MAPKBP1: variants seen among roughly 807,000 people sequenced by gnomAD.
The protein encoded by MAPKBP1 is mitogen-activated protein kinase binding protein 1.
MAPKBP1 carries 71 observed loss-of-function variants against 170.5 expected under a neutral mutation model. That is an observed-to-expected ratio of 0.42 (90% confidence interval 0.34 to 0.51). MAPKBP1 has a LOEUF of 0.51. MAPKBP1 is among the 20% of genes least tolerant of loss of function. The probability of loss-of-function intolerance (pLI) is 0.06; values close to 1 mark genes in which losing one functional copy is unlikely to be tolerated. For synonymous variants in MAPKBP1, 719 were observed against 757.9 expected (o/e 0.95, Z 0.84); for missense variants, 1,598 against 1,933.0 (o/e 0.83, Z 3.25).
intron 5 of MAPKBP1, chr15:41,811,580 C>A: frequency 1.6e-6 from 1 of 615,094 alleles, no homozygotes; most frequent in East Asian, 3.5e-5. Context: ...TTCCTTACCC[C>A]CGGGGGCCCC....
At chr15:41,821,818 A>G in intron 24 of MAPKBP1, 68 bp downstream of exon 24, 1 of 1,548,780 alleles carries the variant, frequency 6.5e-7, no homozygotes, top group East Asian at 2.4e-5. Context: ...TCTTTAGTCG[A>G]GGGAGGGTTG....
At chr15:41,815,456 C>T in intron 11 of MAPKBP1, 51 bp downstream of exon 11, 1 of 1,604,686 alleles carries the variant, frequency 6.2e-7, no homozygotes. Context: ...CCCCCATCCC[C>T]ACAGCTATTG....
At position 41,819,136 on chromosome 15, in the gene MAPKBP1, T is replaced by C. The variant is rs576690160; in HGVS notation, c.2292-110T>C. 859 of 1,446,424 alleles carry C rather than the reference T, an allele frequency of 5.9e-4. 5 individuals are homozygous for C. The South Asian group carries it at 8.8e-3, about 15-fold the overall frequency. 89.6% of individuals were successfully genotyped at this position (1,446,424 alleles called of 1,614,324 possible). ...CCCTGTTGAGTCTCCTCTCCCCCTA[T>C]TGAGTCTCATCTTCCCCTCATTGAG... On this transcript the variant is annotated intron_variant, in intron 20 of 30. Coordinates refer to ENST00000457542, the MANE Select transcript of MAPKBP1 (RefSeq NM_014994.3).
intron 2 of MAPKBP1, among the ~76,000 whole-genome samples, chr15:41,791,650 G>A (rs2152071455): frequency 6.6e-6 from 1 of 152,274 alleles, no homozygotes; most frequent in East Asian, 1.9e-4. Context: ...CTTATGCTGT[G>A]CCACCTCTGT....
rs1479144801 is a variant in MAPKBP1 at position 41,827,418 on chromosome 15, G to A, written c.*1982G>A. ...CTCCTCTAGCATCGCCACCCGCATGGCCCTGGAACTCCCGCGGCGGCGGGG... is the reference window on the plus strand; with the variant it reads ...CTCCTCTAGCATCGCCACCCGCATGACCCTGGAACTCCCGCGGCGGCGGGG... On this transcript the variant is annotated 3_prime_UTR_variant, in exon 31 of 31. Transcript: ENST00000457542. 7 of 152,424 alleles carry A rather than the reference G, an allele frequency of 4.6e-5. No homozygotes were observed. The highest frequency in any genetic ancestry group is 8.8e-5 in the Non-Finnish European group (6 of 68,202). 9.4% of individuals were successfully genotyped at this position (152,424 alleles called of 1,614,324 possible).
chr15:41,812,946 C>A lies in MAPKBP1; in HGVS notation c.664C>A (p.Arg222Ser). The change falls in exon 8 of 31, where the codon CGC (arginine) becomes AGC (serine). Residue 222 changes from arginine to serine, a missense_variant. By Grantham distance (110) the Arg-to-Ser change is moderately radical (BLOSUM62 -1). Around this residue, in one of 6 missense-constraint regions of MAPKBP1, gnomAD observed 430 missense variants for 617.2 expected, o/e 0.70. Coordinates refer to ENST00000457542, the MANE Select transcript of MAPKBP1 (RefSeq NM_014994.3). ...KVNATVPLLG[R>S]SGLLGELRNN... Reference sequence around the variant, plus strand: ...GAATGCCACTGTGCCCTTGCTGGGCCGCTCAGGGCTGCTGGGAGAGCTACG... The same window carrying A: ...GAATGCCACTGTGCCCTTGCTGGGCAGCTCAGGGCTGCTGGGAGAGCTACG... The A allele has an allele frequency of 6.2e-7, 1 of 1,607,642 alleles. No homozygotes were observed. The highest frequency in any genetic ancestry group is 1.1e-5 in the South Asian group (1 of 90,006).
rs530146868 is a variant in MAPKBP1 at position 41,776,119 on chromosome 15, A to C, written c.114+730A>C. 8.5e-5 allele frequency among the ~76,000 whole-genome samples: 13 copies of C among 152,334 alleles called. No individual in the cohort carries two copies. In the East Asian group the frequency reaches 2.5e-3, roughly 29 times the overall value. ...ATGCTTTTTCAACTAAATAAACCCC[A>C]CAACTTTGGGAATCCAGAAGTAGTC... On this transcript the variant is annotated intron_variant, in intron 2 of 30. Coordinates refer to ENST00000457542, the MANE Select transcript of MAPKBP1 (RefSeq NM_014994.3).
chr15:41,786,519 C>G (rs1350593205), intron 2 of MAPKBP1, among the ~76,000 whole-genome samples: 1 of 151,496 alleles, frequency 6.6e-6, no homozygotes, highest in Non-Finnish European at 1.5e-5. Flanking sequence ...AATCCCAGCA[C>G]TTTGGGAGGC....
At position 41,822,980 on chromosome 15, in the gene MAPKBP1, G is replaced by C. The variant is rs765918347; in HGVS notation, c.3356G>C (p.Arg1119Thr). 6.8e-6 allele frequency: 11 copies of C among 1,613,770 alleles called. No individual in the cohort carries two copies. In the African/African-American group the frequency reaches 1.5e-4, roughly 22 times the overall value. ...TCCTCAAGCCTGGCACTGATGTCGA[G>C]ACCAGCCCAGGTGCCACAGGCATCT... ...PSSSSLALMS[R>T]PAQVPQASGE... The change falls in exon 28 of 31, where the codon AGA (arginine) becomes ACA (threonine). Residue 1119 changes from arginine (R) to threonine (T), a missense_variant. This residue lies in a region of MAPKBP1 where 942 missense variants were observed against 953.2 expected (regional missense o/e 0.99). Coordinates refer to ENST00000457542, the MANE Select transcript of MAPKBP1 (RefSeq NM_014994.3).
chr15:41,797,189 TAGAA>T (rs1369103610), intron 2 of MAPKBP1, among the ~76,000 whole-genome samples: 1 of 152,142 alleles, frequency 6.6e-6, no homozygotes, highest in African/African-American at 2.4e-5. Flanking sequence ...AAATTCCTGT[TAGAA>T]AGAAGATCAG....
chr15:41,774,650 G>T, intron 1 of MAPKBP1, 40 bp downstream of exon 1: 2 of 398,710 alleles, frequency 5.0e-6, no homozygotes, highest in Non-Finnish European at 8.8e-6. Context: ...CGAGTAGCAG[G>T]GGCCTCAGAG....
chr15:41,779,533 CAG>C (rs1252120795), intron 2 of MAPKBP1, among the ~76,000 whole-genome samples: 1 of 151,956 alleles, frequency 6.6e-6, no homozygotes, highest in Non-Finnish European at 1.5e-5. Flanking sequence ...TTTGTAGAGA[CAG>C]AGTCTTACGA....
intron 2 of MAPKBP1, among the ~76,000 whole-genome samples, chr15:41,782,092 C>A (rs1216475168): frequency 4.2e-3 from 463 of 110,756 alleles, no homozygotes; most frequent in African/African-American, 5.1e-3. Context: ...ACTAAAAATA[C>A]AAAAAAAAAA....
Position 41,775,307 on chromosome 15 carries a change from G to A in MAPKBP1, c.32G>A (p.Arg11Gln), listed in dbSNP as rs772893935. ...GTGGAAGGGTCAACCATTACCAGCC[G>A]GATCAAGAATCTGTTGAGATCTCCA... Reference protein sequence around the residue: MAVEGSTITSRIKNLLRSPSI... With the variant: MAVEGSTITSQIKNLLRSPSI... The change falls in exon 2 of 31, where the codon CGG becomes CAG. Residue 11 changes from arginine (R) to glutamine (Q), a missense_variant. Coordinates refer to ENST00000457542, the MANE Select transcript of MAPKBP1 (RefSeq NM_014994.3). The A allele has an allele frequency of 1.9e-6, 3 of 1,614,100 alleles. No individual in the cohort carries two copies. The South Asian group carries it at 3.3e-5, about 18-fold the overall frequency.
rs201011586 is a variant in MAPKBP1, at chr15:41,818,106, T to A, written c.1980+22T>A. On this transcript the variant is annotated intron_variant, in intron 17 of 30. Coordinates refer to ENST00000457542, the MANE Select transcript of MAPKBP1 (RefSeq NM_014994.3). The surrounding 1 kb of genome is among the most constrained non-coding windows in gnomAD (Gnocchi z 5.2). Reference sequence around the variant, plus strand: ...TAAGGTAAGGACCCAGAGGGGGTACTGGACAGGGGCTCGGGGACAGAGTGG... The same window carrying A: ...TAAGGTAAGGACCCAGAGGGGGTACAGGACAGGGGCTCGGGGACAGAGTGG... 38 of 1,613,458 alleles carry A rather than the reference T, an allele frequency of 2.4e-5. No individual in the cohort carries two copies. The highest frequency in any genetic ancestry group is 3.0e-5 in the Non-Finnish European group (35 of 1,179,410).
chr15:41,786,763 TAAA>T lies in MAPKBP1; in HGVS notation c.114+11387_114+11389del, dbSNP rs1232815975. Among the ~76,000 whole-genome samples, 30 of 30,596 alleles carry T rather than the reference TAAA, an allele frequency of 9.8e-4. 1 individual carries two copies. The highest frequency in any genetic ancestry group is 2.4e-3 in the South Asian group (2 of 820). The allele number at this position is 30,596 out of a possible 152,430, so 20.1% of individuals were successfully genotyped here. A position where few individuals can be genotyped will look rare whatever the true frequency, so the allele number is the denominator to read the frequency against. On this transcript the variant is annotated intron_variant, in intron 2 of 30. Transcript: ENST00000457542. ...ATGGGCGACAGAGCCAGACTCCGTCTAAAAAAAAAAAAAAATATATATATATAT... is the reference window on the plus strand; with the variant it reads ...ATGGGCGACAGAGCCAGACTCCGTCTAAAAAAAAAAAATATATATATATAT...
intron 2 of MAPKBP1, among the ~76,000 whole-genome samples, chr15:41,787,378 G>C (rs1360536917): frequency 6.7e-6 from 1 of 149,542 alleles, no homozygotes; most frequent in Non-Finnish European, 1.5e-5. Flanking sequence ...ATTTTTGGGT[G>C]GGGGGCAGGG....
At chr15:41,795,692 T>C (rs2064476008) in intron 2 of MAPKBP1, among the ~76,000 whole-genome samples, 2 of 152,216 alleles carry the variant, frequency 1.3e-5, no homozygotes, top group South Asian at 2.1e-4. Context: ...CTGTAAGCTC[T>C]GCCTCCCGGG....
intron 12 of MAPKBP1, 156 bp from the exon 13 acceptor site, chr15:41,816,402 AG>A: frequency 1.7e-6 from 1 of 586,656 alleles, no homozygotes; most frequent in African/African-American, 1.9e-5. Flanking sequence ...AAGCTGGGTA[AG>A]GGAAATATAG....
Sources: allele counts gnomAD v4.1 joint callset (sites outside exome capture counted in the v4.1 genomes callset), GRCh38; gene constraint gnomAD v4.1.1; regional missense constraint gnomAD v4.1.1; non-coding constraint Gnocchi (gnomAD v3.1); transcripts MANE v1.5; gene names NCBI Gene and HGNC (gene_info 2026-07-23, HGNC 2026-07-21).